CSMD3: variants seen among roughly 807,000 people sequenced by gnomAD.
CSMD3 encodes the protein CUB and sushi domain-containing protein 3.
Under a neutral mutation model 435.2 loss-of-function variants are expected in CSMD3, and 177 were observed. That is an observed-to-expected ratio of 0.41 (90% CI 0.36 to 0.46). The LOEUF (loss-of-function observed/expected upper bound fraction) is 0.46, where lower values mean the gene tolerates loss of function less well. CSMD3 is among the 20% of genes least tolerant of loss of function. CSMD3 has a pLI of 0.34. For synonymous variants in CSMD3, 1,656 were observed against 1,520.5 expected, an observed-to-expected ratio of 1.09 and a Z score of -2.07; for missense variants, 4,265 against 4,504.6, an observed-to-expected ratio of 0.95 and a Z score of 1.52.
chr8:112,730,337 A>C (rs2077049254), intron 13 of CSMD3, among the ~76,000 whole-genome samples: 1 of 152,150 alleles, frequency 6.6e-6, no homozygotes, highest in Admixed American at 6.6e-5. Flanking sequence ...GCTAGTGGAA[A>C]TGTCACAAGA....
intron 38 of CSMD3, among the ~76,000 whole-genome samples, chr8:112,368,064 G>A (rs1482064562): frequency 3.9e-5 from 6 of 152,080 alleles, no homozygotes; most frequent in South Asian, 4.1e-4. Context: ...AAATGGCAGC[G>A]TCAAGATAGA....
At chr8:113,102,143 C>G (rs1214159687) in intron 4 of CSMD3, among the ~76,000 whole-genome samples, 8 of 151,994 alleles carry the variant, frequency 5.3e-5, no homozygotes, top group African/African-American at 1.9e-4. Context: ...CAGGATAGAG[C>G]CTTCTATTCT....
At chr8:113,320,303 C>G (rs1188549191) in intron 1 of CSMD3, among the ~76,000 whole-genome samples, 1 of 152,028 alleles carries the variant, frequency 6.6e-6, no homozygotes, top group Non-Finnish European at 1.5e-5. Context: ...AGTGTACTTA[C>G]AGTTGAAAGG....
intron 40 of CSMD3, among the ~76,000 whole-genome samples, chr8:112,349,867 T>A (rs1279764507): frequency 2.0e-5 from 3 of 152,164 alleles, no homozygotes; most frequent in Admixed American, 6.5e-5. Flanking sequence ...TGTTGTGGAC[T>A]TAATTATGTC....
chr8:112,776,056 A>G (rs1482818742), intron 13 of CSMD3, among the ~76,000 whole-genome samples: 1 of 151,840 alleles, frequency 6.6e-6, no homozygotes, highest in East Asian at 1.9e-4. Context: ...GACAATTGCA[A>G]GTAAGCCACA....
chr8:112,320,188 CTTTA>C (rs1416727152), intron 45 of CSMD3, among the ~76,000 whole-genome samples: 1 of 151,994 alleles, frequency 6.6e-6, no homozygotes, highest in Non-Finnish European at 1.5e-5. Context: ...ACTTTTTATT[CTTTA>C]TTTCTTACCC....
chr8:113,436,016 A>G (rs1266307525), intron 1 of CSMD3, among the ~76,000 whole-genome samples: 2 of 151,940 alleles, frequency 1.3e-5, no homozygotes, highest in Non-Finnish European at 2.9e-5. Context: ...CTCCTACCTC[A>G]TTCATCCCTT....
intron 2 of CSMD3, among the ~76,000 whole-genome samples, chr8:113,285,379 G>A (rs1256707080): frequency 2.0e-5 from 3 of 147,580 alleles, no homozygotes; most frequent in African/African-American, 5.1e-5. Flanking sequence ...CCTGCCTTCA[G>A]CCTCCTGAGT....
intron 17 of CSMD3, among the ~76,000 whole-genome samples, chr8:112,662,622 T>A (rs1203686994): frequency 6.6e-6 from 1 of 152,186 alleles, no homozygotes; most frequent in Non-Finnish European, 1.5e-5. Context: ...TGCAGGGACT[T>A]CATGTCTAAA....
Position 113,058,623 on chromosome 8 carries a change from T to C in CSMD3, c.918-39444A>G, listed in dbSNP as rs559297035. 3.3e-5 allele frequency among the ~76,000 whole-genome samples: 5 copies of C among 152,086 alleles called. No individual in the cohort carries two copies. In the South Asian group the frequency reaches 8.3e-4, roughly 25 times the overall value. The stretch of plus-strand genomic sequence containing the variant: ...AAATAATACACTTAAAGATGCTAAG[T>C]TGATGAAAAAGTAACATGGGGGTAC... On this transcript the variant is annotated intron_variant, in intron 5 of 70. Transcript: ENST00000297405.
At chr8:113,432,112 C>G (rs1420390909) in intron 1 of CSMD3, among the ~76,000 whole-genome samples, 1 of 152,164 alleles carries the variant, frequency 6.6e-6, no homozygotes. Context: ...TGCTCACATA[C>G]TCTTCCAATG....
At chr8:112,557,451 A>G (rs1423206339) in intron 24 of CSMD3, among the ~76,000 whole-genome samples, 2 of 151,956 alleles carry the variant, frequency 1.3e-5, no homozygotes, top group East Asian at 1.9e-4. Flanking sequence ...CGCCAGAGAA[A>G]CCAACCATAT....
At chr8:113,102,040 CA>C (rs1387947167) in intron 4 of CSMD3, among the ~76,000 whole-genome samples, 1 of 152,028 alleles carries the variant, frequency 6.6e-6, no homozygotes, top group East Asian at 1.9e-4. Context: ...TAGAACAAAC[CA>C]TGAAACTCTT....
intron 13 of CSMD3, among the ~76,000 whole-genome samples, chr8:112,747,979 A>C (rs1174740132): frequency 6.6e-6 from 1 of 151,724 alleles, no homozygotes; most frequent in Non-Finnish European, 1.5e-5. Flanking sequence ...AAAAAAAAAA[A>C]AAAAAAACAG....
At chr8:112,364,619 A>G (rs1001751482) in intron 38 of CSMD3, among the ~76,000 whole-genome samples, 1 of 152,094 alleles carries the variant, frequency 6.6e-6, no homozygotes, top group African/African-American at 2.4e-5. Flanking sequence ...TATTACAATC[A>G]GGCAAAGAGT....
chr8:113,290,348 G>A (rs893851320), intron 2 of CSMD3, among the ~76,000 whole-genome samples: 2 of 151,606 alleles, frequency 1.3e-5, no homozygotes, highest in Non-Finnish European at 3.0e-5. Context: ...GTAAAATTTA[G>A]GAGTGTGGAG....
chr8:112,634,748 A>C (rs4268152), intron 22 of CSMD3, among the ~76,000 whole-genome samples: 1,815 of 151,716 alleles, frequency 0.012, 37 homozygotes, highest in African/African-American at 0.042. Context: ...ACATGTAAAC[A>C]CTTTTTTTTT....
chr8:113,362,976 A>C (rs2094287161), intron 1 of CSMD3, among the ~76,000 whole-genome samples: 1 of 152,164 alleles, frequency 6.6e-6, no homozygotes. Context: ...GTATTCCTTA[A>C]AAAATACTGC....
chr8:112,640,073 A>G (rs1188249939), intron 20 of CSMD3, among the ~76,000 whole-genome samples: 1 of 152,096 alleles, frequency 6.6e-6, no homozygotes, highest in Non-Finnish European at 1.5e-5. Flanking sequence ...CAATACTTGA[A>G]AATCTGGGGC....
Sources: gnomAD v4.1 joint callset for allele counts (sites outside exome capture counted in the v4.1 genomes callset) on GRCh38, gnomAD v4.1.1 for gene constraint, MANE v1.5 for transcripts, NCBI Gene and HGNC (gene_info 2026-07-23, HGNC 2026-07-21) for gene names.